LRP1B: variants seen among roughly 807,000 people sequenced by gnomAD.
LRP1B encodes the protein LDL receptor related protein 1B.
A neutral mutation model predicts 556.6 loss-of-function variants in LRP1B; 217 were observed. That is an observed-to-expected ratio of 0.39 (90% CI 0.35 to 0.44). The LOEUF (loss-of-function observed/expected upper bound fraction) is 0.44, where lower values mean the gene tolerates loss of function less well. Among genes scored for constraint, LRP1B ranks in the 20% least tolerant of loss-of-function variants. The pLI is 1.00. For synonymous variants in LRP1B, 2,047 were observed against 1,865.8 expected (o/e 1.10, Z -2.50); for missense variants, 5,053 against 5,620.8 (o/e 0.90, Z 3.23).
intron 1 of LRP1B, among the ~76,000 whole-genome samples, chr2:141,836,514 A>G (rs75273397): frequency 0.024 from 3,610 of 151,974 alleles, 124 homozygotes; most frequent in African/African-American, 0.081. Context: ...GCAGAATCAA[A>G]CAGCTGCTAG....
intron 1 of LRP1B, among the ~76,000 whole-genome samples, chr2:142,129,572 TTCTTTCTCTCTTTCTCTCTCTC>T (rs1431896322): frequency 2.2e-5 from 3 of 137,270 alleles, no homozygotes; most frequent in African/African-American, 8.2e-5. Context: ...GGATCTGGGT[TTCTTTCTCTCTTTCTCTCTCTC>T]TCTCTCTCTC....
chr2:140,558,703 C>T (rs1007989868), intron 43 of LRP1B, among the ~76,000 whole-genome samples: 3 of 151,890 alleles, frequency 2.0e-5, no homozygotes, highest in Admixed American at 1.3e-4. Flanking sequence ...CTTTAGGAGG[C>T]CAAGGCGAGG....
chr2:142,002,847 C>T (rs992170902), intron 1 of LRP1B, among the ~76,000 whole-genome samples: 14 of 152,170 alleles, frequency 9.2e-5, no homozygotes, highest in African/African-American at 3.4e-4. Context: ...TCTTCCAGTA[C>T]ATTCTTCGTC....
intron 7 of LRP1B, among the ~76,000 whole-genome samples, chr2:141,128,473 C>T (rs1701270368): frequency 6.6e-6 from 1 of 152,160 alleles, no homozygotes; most frequent in Non-Finnish European, 1.5e-5. Flanking sequence ...ATCTTCTGTT[C>T]ACTCCCTCAC....
intron 7 of LRP1B, among the ~76,000 whole-genome samples, chr2:141,117,462 G>A (rs1207618139): frequency 6.6e-6 from 1 of 151,616 alleles, no homozygotes; most frequent in African/African-American, 2.4e-5. Context: ...ATAGAAAGTG[G>A]AGAAAATGAA....
chr2:141,900,428 TTAA>T (rs1489739233), intron 1 of LRP1B, among the ~76,000 whole-genome samples: 1 of 152,098 alleles, frequency 6.6e-6, no homozygotes, highest in African/African-American at 2.4e-5. Flanking sequence ...TGTATGTGAA[TTAA>T]TATTTTTTGA....
intron 1 of LRP1B, among the ~76,000 whole-genome samples, chr2:141,986,415 G>C (rs1702187777): frequency 6.6e-6 from 1 of 151,832 alleles, no homozygotes; most frequent in African/African-American, 2.4e-5. Flanking sequence ...TGTATTCTAA[G>C]GTATGGGTTT....
At chr2:140,749,375 C>T (rs1353418331) in intron 35 of LRP1B, among the ~76,000 whole-genome samples, 2 of 128,412 alleles carry the variant, frequency 1.6e-5, no homozygotes, top group Admixed American at 7.7e-5. Context: ...AACTTTTAAA[C>T]ATTTTTTTTT....
At chr2:141,439,335 G>A (rs1248610248) in intron 3 of LRP1B, among the ~76,000 whole-genome samples, 1 of 151,912 alleles carries the variant, frequency 6.6e-6, no homozygotes, top group Non-Finnish European at 1.5e-5. Flanking sequence ...CAAGAAGTTT[G>A]AAATTCATTT....
At chr2:142,051,419 T>C (rs1385626214) in intron 1 of LRP1B, among the ~76,000 whole-genome samples, 3 of 151,622 alleles carry the variant, frequency 2.0e-5, no homozygotes, top group Admixed American at 1.3e-4. Flanking sequence ...AAATGGAGAA[T>C]AATGGTGGAA....
intron 16 of LRP1B, 58 bp downstream of exon 16, chr2:140,993,937 T>C: frequency 6.5e-7 from 1 of 1,541,494 alleles, no homozygotes. Context: ...CCTTGATAAT[T>C]CACACACTCA....
At chr2:141,125,699 G>C (rs73962441) in intron 7 of LRP1B, among the ~76,000 whole-genome samples, 2,786 of 152,146 alleles carry the variant, frequency 0.018, 78 homozygotes, top group African/African-American at 0.064. Context: ...ACGGCTCCCA[G>C]CACATAAATA....
At chr2:141,170,523 T>A (rs1249268964) in intron 7 of LRP1B, among the ~76,000 whole-genome samples, 1 of 152,062 alleles carries the variant, frequency 6.6e-6, no homozygotes, top group East Asian at 1.9e-4. Flanking sequence ...AGCTGTTTTG[T>A]ATTAAAAATT....
intron 79 of LRP1B, among the ~76,000 whole-genome samples, chr2:140,328,477 A>T (rs1573799368): frequency 1.5e-5 from 1 of 67,734 alleles, no homozygotes; most frequent in African/African-American, 4.0e-5. Flanking sequence ...AAAATGAAAG[A>T]AAAAAAAAAA....
chr2:140,543,704 G>T (rs1426225552), intron 43 of LRP1B, among the ~76,000 whole-genome samples: 1 of 151,640 alleles, frequency 6.6e-6, no homozygotes, highest in Admixed American at 6.6e-5. Context: ...AAAATAAAAA[G>T]AATCTACATG....
At chr2:140,491,422 T>C (rs1006820068) in intron 57 of LRP1B, among the ~76,000 whole-genome samples, 5 of 152,056 alleles carry the variant, frequency 3.3e-5, no homozygotes, top group Admixed American at 2.6e-4. Flanking sequence ...GGCATGTCCT[T>C]GTTCCAGAGA....
intron 23 of LRP1B, among the ~76,000 whole-genome samples, chr2:140,890,379 T>A (rs1225631784): frequency 6.6e-6 from 1 of 152,184 alleles, no homozygotes; most frequent in Non-Finnish European, 1.5e-5. Flanking sequence ...ATTCCCACTA[T>A]TTTCAAACAT....
intron 35 of LRP1B, among the ~76,000 whole-genome samples, chr2:140,757,964 G>A (rs1279153082): frequency 6.6e-6 from 1 of 152,086 alleles, no homozygotes; most frequent in Middle Eastern, 3.2e-3. Context: ...ATATTAACAG[G>A]CATTGTTTTC....
At chr2:140,682,699 C>G (rs1441462) in intron 41 of LRP1B, among the ~76,000 whole-genome samples, 5 of 150,702 alleles carry the variant, frequency 3.3e-5, no homozygotes, top group Admixed American at 1.3e-4. Flanking sequence ...TGTGTGTGTG[C>G]GTGCACCTTG....
Sources: gnomAD v4.1 joint callset for allele counts (sites outside exome capture counted in the v4.1 genomes callset) on GRCh38, gnomAD v4.1.1 for gene constraint, MANE v1.5 for transcripts, NCBI Gene and HGNC (gene_info 2026-07-23, HGNC 2026-07-21) for gene names.